Variants in AK5 observed in about 807,000 individuals in gnomAD.
AK5 encodes adenylate kinase 5.
AK5 carries 27 observed loss-of-function variants against 69.5 expected under a neutral mutation model. The ratio of observed to expected loss-of-function variants is 0.39; its 90% CI spans 0.29 to 0.54. The LOEUF (loss-of-function observed/expected upper bound fraction) is 0.54, where lower values mean the gene tolerates loss of function less well. AK5 is among the 20% of genes least tolerant of loss of function. AK5 has a pLI of 0.71. For missense variants in AK5, 531 were observed against 700.4 expected (o/e 0.76, Z 2.73); for synonymous variants, 260 against 244.4 (o/e 1.06, Z -0.60).
At chr1:77,443,047 A>C (rs924157343) in intron 8 of AK5, among the ~76,000 whole-genome samples, 12 of 152,072 alleles carry the variant, frequency 7.9e-5, no homozygotes, top group Admixed American at 5.2e-4. Flanking sequence ...CAACTTTCAC[A>C]CCTACCGGGA....
intron 8 of AK5, among the ~76,000 whole-genome samples, chr1:77,423,514 C>T (rs1280552633): frequency 6.6e-6 from 1 of 152,088 alleles, no homozygotes; most frequent in Non-Finnish European, 1.5e-5. Context: ...TAAACAATCA[C>T]TCTTAGATCT....
intron 8 of AK5, among the ~76,000 whole-genome samples, chr1:77,427,568 AT>A (rs1651297250): frequency 6.6e-6 from 1 of 152,222 alleles, no homozygotes; most frequent in Non-Finnish European, 1.5e-5. Context: ...AATCATACCA[AT>A]TCTCTATCAG....
At chr1:77,383,517 G>A (rs974664057) in intron 6 of AK5, among the ~76,000 whole-genome samples, 46 of 152,110 alleles carry the variant, frequency 3.0e-4, no homozygotes, top group African/African-American at 7.7e-4. Flanking sequence ...GCCATTCCCC[G>A]TATCAAAAAA....
chr1:77,337,881 T>C (rs549777891), intron 5 of AK5, among the ~76,000 whole-genome samples: 22 of 152,202 alleles, frequency 1.4e-4, no homozygotes, highest in Non-Finnish European at 2.6e-4. Context: ...TCCATGCTCC[T>C]AATCACCTTT....
intron 13 of AK5, among the ~76,000 whole-genome samples, chr1:77,553,326 C>T (rs1659907766): frequency 6.6e-6 from 1 of 152,148 alleles, no homozygotes; most frequent in Non-Finnish European, 1.5e-5. Flanking sequence ...GAGGAAGATG[C>T]TGCAAAATAT....
intron 6 of AK5, among the ~76,000 whole-genome samples, chr1:77,344,590 G>A (rs1181688861): frequency 3.3e-5 from 5 of 152,072 alleles, no homozygotes; most frequent in Admixed American, 2.0e-4. Flanking sequence ...ACTTGAAACT[G>A]TATAACTCTT....
At chr1:77,410,195 A>G (rs180991880) in intron 6 of AK5, among the ~76,000 whole-genome samples, 1 of 152,206 alleles carries the variant, frequency 6.6e-6, no homozygotes, top group East Asian at 1.9e-4. Flanking sequence ...TTTTTGTTAT[A>G]TCTAAATCCA....
intron 10 of AK5, among the ~76,000 whole-genome samples, chr1:77,505,878 A>T (rs1458348052): frequency 6.6e-6 from 1 of 152,180 alleles, no homozygotes; most frequent in Non-Finnish European, 1.5e-5. Context: ...CAACAGAGCA[A>T]GACTCCATCT....
chr1:77,512,827 T>C (rs1657426871), intron 10 of AK5, among the ~76,000 whole-genome samples: 3 of 152,144 alleles, frequency 2.0e-5, no homozygotes, highest in Admixed American at 1.3e-4. Flanking sequence ...TGGAATACTA[T>C]GCAGCCATAA....
At chr1:77,339,182 A>C (rs1661519907) in intron 5 of AK5, among the ~76,000 whole-genome samples, 1 of 152,242 alleles carries the variant, frequency 6.6e-6, no homozygotes, top group Non-Finnish European at 1.5e-5. Flanking sequence ...GTACATGCAT[A>C]ATTTGTAAAT....
At chr1:77,462,197 C>T (rs554073656) in intron 8 of AK5, among the ~76,000 whole-genome samples, 6 of 152,288 alleles carry the variant, frequency 3.9e-5, no homozygotes, top group African/African-American at 1.4e-4. Flanking sequence ...TTTAGCATTA[C>T]AACTTCCACA....
At chr1:77,297,290 C>CA (rs1488447052) in intron 3 of AK5, among the ~76,000 whole-genome samples, 1 of 152,042 alleles carries the variant, frequency 6.6e-6, no homozygotes, top group African/African-American at 2.4e-5. Flanking sequence ...CTACACTGTT[C>CA]AAAAATTTTT....
Position 77,352,749 on chromosome 1 carries a change from G to A in AK5, c.891+12181G>A, listed in dbSNP as rs867899414. On this transcript the variant is annotated intron_variant, in intron 6 of 13. Coordinates refer to ENST00000354567, the MANE Select transcript of AK5 (RefSeq NM_174858.3). ...GAACACCAGGGGAAGGCTTTTCTAG[G>A]GCAAACACAGAAGGAAGTGAAGAAA... Among the ~76,000 whole-genome samples, 11 of 152,278 alleles carry A rather than the reference G, an allele frequency of 7.2e-5. No individual in the cohort carries two copies. In the Middle Eastern group the frequency reaches 0.01, roughly 141 times the overall value.
At chr1:77,491,426 C>T (rs931771549) in intron 10 of AK5, among the ~76,000 whole-genome samples, 8 of 150,296 alleles carry the variant, frequency 5.3e-5, no homozygotes, top group Non-Finnish European at 1.2e-4. Flanking sequence ...CCTGCCTCAG[C>T]CTCCCGAGTA....
intron 5 of AK5, among the ~76,000 whole-genome samples, chr1:77,333,576 T>A (rs2100360388): frequency 2.0e-5 from 3 of 149,136 alleles, no homozygotes; most frequent in Middle Eastern, 3.4e-3. Flanking sequence ...TTGTATCTTA[T>A]GTGACAACTT....
chr1:77,386,281 A>G (rs1250625838), intron 6 of AK5, among the ~76,000 whole-genome samples: 1 of 152,254 alleles, frequency 6.6e-6, no homozygotes, highest in Non-Finnish European at 1.5e-5. Flanking sequence ...TGGCAATATT[A>G]TAAGGCAACA....
chr1:77,500,098 T>C (rs561306578), intron 10 of AK5, among the ~76,000 whole-genome samples: 56 of 151,942 alleles, frequency 3.7e-4, no homozygotes, highest in Non-Finnish European at 6.9e-4. Flanking sequence ...AATAACCATC[T>C]CAGAGCCATA....
rs528197609 is a variant in AK5, at chr1:77,412,578, T to C, written c.982+1507T>C. Among the ~76,000 whole-genome samples the C allele has an allele frequency of 2.0e-4, 31 of 152,316 alleles. No individual in the cohort carries two copies. The South Asian group carries it at 6.2e-3, about 31-fold the overall frequency. ...TGCCTCCCCTGCAGGAGGCAGATAC[T>C]GTGTAGCTCCAGGAAACTGTCGCTG... On this transcript the variant is annotated intron_variant, in intron 7 of 13. Coordinates refer to ENST00000354567, the MANE Select transcript of AK5 (RefSeq NM_174858.3).
chr1:77,373,919 A>G (rs189051329), intron 6 of AK5, among the ~76,000 whole-genome samples: 122 of 152,290 alleles, frequency 8.0e-4, no homozygotes, highest in African/African-American at 2.6e-3. Context: ...TTACACTGTA[A>G]TAAGTATATC....
Sources: gnomAD v4.1 joint callset for allele counts (sites outside exome capture counted in the v4.1 genomes callset) on GRCh38, gnomAD v4.1.1 for gene constraint, MANE v1.5 for transcripts, NCBI Gene and HGNC (gene_info 2026-07-23, HGNC 2026-07-21) for gene names.